The following RSPH14 variants were observed in gnomAD, a reference collection of about 807,000 sequenced individuals.
RSPH14 encodes the protein radial spoke head 14 homolog.
In RSPH14, 20 loss-of-function variants were observed where a neutral mutation model predicts 26.7. That is an observed-to-expected ratio of 0.75 (90% confidence interval 0.53 to 1.09). The LOEUF (loss-of-function observed/expected upper bound fraction) is 1.09, where lower values mean the gene tolerates loss of function less well. RSPH14 is among the 50% of genes least tolerant of loss of function. The pLI, the probability that RSPH14 is intolerant of heterozygous loss-of-function variation, is 0.00. For synonymous variants in RSPH14, 177 were observed against 189.3 expected, an observed-to-expected ratio of 0.93 and a Z score of 0.53; for missense variants, 449 against 457.2, an observed-to-expected ratio of 0.98 and a Z score of 0.16.
At chr22:23,146,663 G>T, upstream of RSPH14, 2 of 1,613,980 alleles carry the variant, frequency 1.2e-6, no homozygotes, top group Non-Finnish European at 1.7e-6. Context: ...AGCCGCGACC[G>T]TGTCATCGCC....
chr22:23,076,218 C>G (rs547846842), intron 4 of RSPH14, among the ~76,000 whole-genome samples: 2 of 152,292 alleles, frequency 1.3e-5, no homozygotes, highest in African/African-American at 4.8e-5. Flanking sequence ...ATTTTTTTCC[C>G]CTTAGCACTC....
At chr22:23,083,969 AC>A (rs530531778) in intron 4 of RSPH14, among the ~76,000 whole-genome samples, 118 of 152,274 alleles carry the variant, frequency 7.7e-4, no homozygotes, top group African/African-American at 2.8e-3. Context: ...GGAACAGGGC[AC>A]TGTGAGTGTG....
At chr22:23,070,429 C>G (rs1365681003) in intron 4 of RSPH14, 2 of 147,686 alleles carry the variant, frequency 1.4e-5, no homozygotes, top group Non-Finnish European at 3.0e-5. Flanking sequence ...GTGTGCGCCG[C>G]CCGCGGTCCG....
intron 4 of RSPH14, among the ~76,000 whole-genome samples, chr22:23,075,769 T>C (rs956233626): frequency 2.6e-5 from 4 of 151,888 alleles, no homozygotes; most frequent in African/African-American, 9.7e-5. Context: ...GGGACCGTGG[T>C]TGTGGTTAGA....
intron 4 of RSPH14, among the ~76,000 whole-genome samples, chr22:23,113,183 G>A (rs2069705127): frequency 6.6e-6 from 1 of 152,206 alleles, no homozygotes. Flanking sequence ...AGACAGCTGA[G>A]TGTTCTGACG....
intron 4 of RSPH14, among the ~76,000 whole-genome samples, chr22:23,111,151 T>C (rs1163664816): frequency 3.9e-5 from 6 of 152,202 alleles, no homozygotes; most frequent in Non-Finnish European, 8.8e-5. Flanking sequence ...ACTGAGCCTC[T>C]GCCGGGGAGT....
rs771063525 is a variant in RSPH14 at position 23,064,102 on chromosome 22, A to T, written c.453T>A (p.Ile151=). The change falls in exon 5 of 7, where the codon ATT becomes ATA. Residue 151 remains isoleucine (I), a synonymous_variant. Transcript: ENST00000216036. ...GAQEIISKGL[I]SSLVWKLQVE... The stretch of plus-strand genomic sequence containing the variant: ...CCTGCAGCTTCCATACCAGTGAGGA[A>T]ATCAGACCTTTGCTGATGATCTCTT... 1 of 1,614,114 alleles carries T rather than the reference A, an allele frequency of 6.2e-7. No individual in the cohort carries two copies. The highest frequency in any genetic ancestry group is 1.7e-5 in the Admixed American group (1 of 60,026).
chr22:23,145,130 C>T (rs1248039661), upstream of RSPH14: 1 of 583,282 alleles, frequency 1.7e-6, no homozygotes, highest in Non-Finnish European at 3.1e-6. Context: ...ATCAGGAGCT[C>T]TTATGCCATA....
intron 4 of RSPH14, chr22:23,123,313 C>T: frequency 6.2e-7 from 1 of 1,614,022 alleles, no homozygotes; most frequent in Non-Finnish European, 8.5e-7. Flanking sequence ...AACAAGGAGA[C>T]CAAGGAGATC....
At chr22:23,142,082 G>T, upstream of RSPH14, 2 of 975,698 alleles carry the variant, frequency 2.0e-6, no homozygotes, top group Non-Finnish European at 2.4e-6. Context: ...CACCCACTGC[G>T]CAGGCGCAAA....
chr22:23,141,761 C>G (rs2070605618), intron 1 of RSPH14, among the ~76,000 whole-genome samples, 188 bp downstream of exon 1: 1 of 152,232 alleles, frequency 6.6e-6, no homozygotes, highest in Admixed American at 6.5e-5. Context: ...AGTTGAGCTC[C>G]CCTCACAGGA....
At chr22:23,153,263 G>A in the RSPH14 span, 1 of 725,008 alleles carries the variant, frequency 1.4e-6, no homozygotes, top group Non-Finnish European at 2.3e-6. Flanking sequence ...TGGGGGTGTT[G>A]TGTGACACTT....
chr22:23,125,287 A>T lies in RSPH14; in HGVS notation c.421+8739T>A, dbSNP rs145271980. Among the ~76,000 whole-genome samples, 432 of 151,766 alleles carry T rather than the reference A, an allele frequency of 2.8e-3. 2 individuals are homozygous for T. The highest frequency in any genetic ancestry group is 5.2e-3 in the Non-Finnish European group (356 of 67,894). ...GTGTGGAGGTCTGGGGGTGATGATG[A>T]CTCCTGCCCCTCCCGCTGCCCCCAA... On this transcript the variant is annotated intron_variant, in intron 4 of 6. Coordinates refer to ENST00000216036, the MANE Select transcript of RSPH14 (RefSeq NM_014433.3).
At chr22:23,146,223 T>G (rs974660225), upstream of RSPH14, among the ~76,000 whole-genome samples, 2 of 152,198 alleles carry the variant, frequency 1.3e-5, no homozygotes, top group East Asian at 3.8e-4. Flanking sequence ...TATTTATAAT[T>G]CTTGAGACAA....
rs555174162 is a variant in RSPH14, at chr22:23,137,185, T to C, written c.302+1655A>G. Among the ~76,000 whole-genome samples, 75 of 138,568 alleles carry C rather than the reference T, an allele frequency of 5.4e-4. 17 individuals are homozygous for C. Among genetic ancestry groups the C allele is most frequent in the Non-Finnish European group, 9.3e-4 (58 of 62,164 alleles). The allele number at this position is 138,568 out of a possible 152,430, so 90.9% of individuals were successfully genotyped here. On this transcript the variant is annotated intron_variant, in intron 3 of 6. Coordinates refer to ENST00000216036, the MANE Select transcript of RSPH14 (RefSeq NM_014433.3). ...AGATGCCCTGCAGCCTCTGCCTCTCTGGGTTCAAGCAATTCTTGTGCCTCA... is the reference window on the plus strand; with the variant it reads ...AGATGCCCTGCAGCCTCTGCCTCTCCGGGTTCAAGCAATTCTTGTGCCTCA...
chr22:23,077,970 C>T (rs1470646648), intron 4 of RSPH14, among the ~76,000 whole-genome samples: 3 of 152,232 alleles, frequency 2.0e-5, no homozygotes, highest in East Asian at 3.9e-4. Context: ...CTCATGCCTC[C>T]TCCTGCCCAG....
intron 4 of RSPH14, among the ~76,000 whole-genome samples, chr22:23,125,707 A>G (rs1054864170): frequency 5.9e-5 from 9 of 152,244 alleles, no homozygotes; most frequent in Non-Finnish European, 1.0e-4. Context: ...GCCTGAGGTC[A>G]GGGAGCAGTC....
chr22:23,179,145 T>C, the RSPH14 span, among the ~76,000 whole-genome samples: 1 of 152,166 alleles, frequency 6.6e-6, no homozygotes, highest in Non-Finnish European at 1.5e-5. Context: ...TCCTTTAGAT[T>C]GGACTTCAAA....
At position 23,138,842 on chromosome 22, in the gene RSPH14, G is replaced by A. The variant is rs1337272056; in HGVS notation, c.300C>T (p.Gly100=). ...TGGTTTCCAGAACAGCATCCCACCT[G>A]CCCACGCTATGGCTTGCCGTGATGT... The part of the protein sequence containing the change: ...VLHITASHSV[G]RYAFLEHDIV... Residue 100 remains glycine (G), a splice_region_variant and synonymous_variant, in exon 3 of 7, where the codon GGC becomes GGT. Coordinates refer to ENST00000216036, the MANE Select transcript of RSPH14 (RefSeq NM_014433.3). 6.4e-7 allele frequency: 1 copy of A among 1,550,660 alleles called. No homozygotes were observed. The highest frequency in any genetic ancestry group is 2.4e-5 in the East Asian group (1 of 40,984).
Sources: allele counts gnomAD v4.1 joint callset (sites outside exome capture counted in the v4.1 genomes callset), GRCh38; gene constraint gnomAD v4.1.1; transcripts MANE v1.5; gene names NCBI Gene and HGNC (gene_info 2026-07-23, HGNC 2026-07-21).